Variants in TSHR observed in about 807,000 individuals in gnomAD.
TSHR encodes thyrotropin receptor.
A neutral mutation model predicts 64.1 loss-of-function variants in TSHR; 51 were observed. The observed-to-expected ratio is 0.80, with a 90% CI of 0.64 to 1.01. The LOEUF is 1.01. Ranked by LOEUF, TSHR falls within the 50% of genes least tolerant of loss-of-function variation. The pLI is 0.00. For synonymous variants in TSHR, 361 were observed against 361.9 expected, an observed-to-expected ratio of 1.00 and a Z score of 0.03; for missense variants, 877 against 942.8, an observed-to-expected ratio of 0.93 and a Z score of 0.91.
intron 1 of TSHR, among the ~76,000 whole-genome samples, chr14:80,984,093 G>A (rs1714927107): frequency 6.6e-6 from 1 of 151,938 alleles, no homozygotes; most frequent in African/African-American, 2.4e-5. Flanking sequence ...GTGTGCACGT[G>A]TATACCCATG....
At chr14:81,010,023 C>A (rs147139286) in intron 1 of TSHR, among the ~76,000 whole-genome samples, 181 of 152,216 alleles carry the variant, frequency 1.2e-3, no homozygotes, top group Middle Eastern at 3.4e-3. Context: ...TCCAAATATC[C>A]TCACCATATC....
chr14:81,075,965 A>C lies in TSHR; in HGVS notation c.317+7637A>C, dbSNP rs545881001. Among the ~76,000 whole-genome samples the C allele has an allele frequency of 4.4e-3, 666 of 152,240 alleles. 7 individuals are homozygous for C. The highest frequency in any genetic ancestry group is 0.016 in the African/African-American group (654 of 41,540). On this transcript the variant is annotated intron_variant, in intron 3 of 9. Transcript: ENST00000298171. ...ATACACCATGGGATACTATGCAGCC[A>C]TAAAAAATGATGAGTTCATGTCCTT...
chr14:80,990,362 C>T (rs944848053), intron 1 of TSHR, among the ~76,000 whole-genome samples: 1 of 152,308 alleles, frequency 6.6e-6, no homozygotes, highest in East Asian at 1.9e-4. Context: ...GTCCCCATAT[C>T]GTCTCATATC....
At chr14:80,961,769 T>C (rs1887042212) in intron 1 of TSHR, among the ~76,000 whole-genome samples, 1 of 152,230 alleles carries the variant, frequency 6.6e-6, no homozygotes. Flanking sequence ...GTATTTATTA[T>C]TTTGTTTGGA....
At chr14:80,957,473 A>C (rs1383766108) in intron 1 of TSHR, among the ~76,000 whole-genome samples, 1 of 152,194 alleles carries the variant, frequency 6.6e-6, no homozygotes, top group Non-Finnish European at 1.5e-5. Context: ...AAACAAAAAA[A>C]AAAAAACTTA....
intron 1 of TSHR, among the ~76,000 whole-genome samples, chr14:80,956,383 C>T (rs1886686622): frequency 6.6e-6 from 1 of 152,172 alleles, no homozygotes; most frequent in African/African-American, 2.4e-5. Context: ...AAGTTACTTA[C>T]TCAAATGTGA....
chr14:81,058,232 A>G (rs777128789), intron 1 of TSHR, among the ~76,000 whole-genome samples: 16 of 152,224 alleles, frequency 1.1e-4, no homozygotes, highest in African/African-American at 3.4e-4. Context: ...CAATTTCTAC[A>G]TTATATTTTC....
At chr14:81,040,649 T>C (rs1884874698) in intron 1 of TSHR, among the ~76,000 whole-genome samples, 1 of 151,802 alleles carries the variant, frequency 6.6e-6, no homozygotes, top group Admixed American at 6.6e-5. Flanking sequence ...CATAACATTT[T>C]GGTCAATGAT....
intron 1 of TSHR, among the ~76,000 whole-genome samples, chr14:81,061,745 G>C (rs981292872): frequency 6.6e-6 from 1 of 151,926 alleles, no homozygotes; most frequent in African/African-American, 2.4e-5. Context: ...CCTGACACCA[G>C]TTTACCTATA....
At chr14:81,012,338 C>A (rs1889959476) in intron 1 of TSHR, 2 of 151,354 alleles carry the variant, frequency 1.3e-5, no homozygotes, top group South Asian at 4.2e-4. Flanking sequence ...TCCAGTCTAT[C>A]ATTGTTGGAC....
Position 81,144,464 on chromosome 14 carries a change from C to T in TSHR, c.*111C>T. ...ACACATAGCTGCCCTCACTCTTGTG[C>T]AGGCGATGTTTCAATGTTTCATGGG... On this transcript the variant is annotated 3_prime_UTR_variant, in exon 10 of 10. Coordinates refer to ENST00000298171, the MANE Select transcript of TSHR (RefSeq NM_000369.5). 4.5e-6 allele frequency: 5 copies of T among 1,105,704 alleles called. No individual in the cohort carries two copies. The highest frequency in any genetic ancestry group is 1.6e-5 in the African/African-American group (1 of 64,266). The allele number at this position is 1,105,704 out of a possible 1,614,324, so 68.5% of individuals were successfully genotyped here.
At chr14:81,010,073 T>C (rs565655011) in intron 1 of TSHR, among the ~76,000 whole-genome samples, 2 of 152,340 alleles carry the variant, frequency 1.3e-5, no homozygotes, top group Non-Finnish European at 1.5e-5. Context: ...ATAAGTATTC[T>C]TCTTGCTCTC....
intron 1 of TSHR, among the ~76,000 whole-genome samples, chr14:81,009,732 T>C (rs1889807237): frequency 1.3e-5 from 2 of 152,238 alleles, no homozygotes; most frequent in Non-Finnish European, 1.5e-5. Flanking sequence ...TTTGGCTATC[T>C]AGTATTTTGT....
chr14:81,011,497 A>G (rs180692869), intron 1 of TSHR, among the ~76,000 whole-genome samples: 1 of 152,028 alleles, frequency 6.6e-6, no homozygotes, highest in Non-Finnish European at 1.5e-5. Flanking sequence ...AAATTTGTAC[A>G]GTATTTATAG....
intron 1 of TSHR, chr14:80,982,007 A>C: frequency 2.7e-6 from 1 of 369,158 alleles, no homozygotes; most frequent in Non-Finnish European, 5.4e-6. Context: ...ACTAAGAATA[A>C]GACAAGAGGC....
intron 1 of TSHR, among the ~76,000 whole-genome samples, chr14:80,978,531 C>A (rs1393028866): frequency 6.6e-6 from 1 of 152,212 alleles, no homozygotes; most frequent in Non-Finnish European, 1.5e-5. Context: ...AGCTCTAGAG[C>A]AAAGACTGCC....
chr14:81,126,098 A>G (rs1157877787), intron 8 of TSHR, among the ~76,000 whole-genome samples: 1 of 152,146 alleles, frequency 6.6e-6, no homozygotes, highest in Non-Finnish European at 1.5e-5. Context: ...GATTGGTAGC[A>G]TCTCCTACTA....
At chr14:80,987,098 C>T (rs993311817) in intron 1 of TSHR, among the ~76,000 whole-genome samples, 1 of 152,194 alleles carries the variant, frequency 6.6e-6, no homozygotes, top group African/African-American at 2.4e-5. Context: ...TCTCAAGCCT[C>T]CTGTATCCTT....
intron 8 of TSHR, among the ~76,000 whole-genome samples, chr14:81,116,814 C>G (rs1294824105): frequency 1.8e-4 from 27 of 149,458 alleles, no homozygotes; most frequent in South Asian, 4.3e-4. Context: ...TAAAAGAACA[C>G]AAATTATAAC....
Sources: gnomAD v4.1 joint callset for allele counts (sites outside exome capture counted in the v4.1 genomes callset) on GRCh38, gnomAD v4.1.1 for gene constraint, MANE v1.5 for transcripts, NCBI Gene and HGNC (gene_info 2026-07-23, HGNC 2026-07-21) for gene names.